Variants in GALNT17 observed in about 807,000 individuals in gnomAD.
GALNT17 encodes the protein polypeptide N-acetylgalactosaminyltransferase 17, also known as UDP-GalNAc:polypeptide N-acetylgalactosaminyltransferase-like 3.
Under a neutral mutation model 63.7 loss-of-function variants are expected in GALNT17, and 29 were observed. That is an observed-to-expected ratio of 0.46 (90% CI 0.34 to 0.62). The LOEUF (loss-of-function observed/expected upper bound fraction) is 0.62. GALNT17 is among the 20% of genes least tolerant of loss of function. The probability of loss-of-function intolerance (pLI) is 0.01; values close to 1 mark genes in which losing one functional copy is unlikely to be tolerated. For synonymous variants in GALNT17, 305 were observed against 318.3 expected, an observed-to-expected ratio of 0.96 and a Z score of 0.45; for missense variants, 603 against 799.6, an observed-to-expected ratio of 0.75 and a Z score of 2.97.
At chr7:71,497,080 A>AGAAAATGATCTGAAAGTTAG (rs1272407706) in intron 5 of GALNT17, among the ~76,000 whole-genome samples, 1 of 152,158 alleles carries the variant, frequency 6.6e-6, no homozygotes. Flanking sequence ...CTCTAAAAGA[A>AGAAAATGATCTGAAAGTTAG]GAAAATGATC....
At chr7:71,607,429 T>C (rs1189912340) in intron 6 of GALNT17, among the ~76,000 whole-genome samples, 1 of 152,200 alleles carries the variant, frequency 6.6e-6, no homozygotes, top group African/African-American at 2.4e-5. Flanking sequence ...TAATTATTTC[T>C]TACTTGAAAC....
At chr7:71,592,029 C>G (rs558506090) in intron 6 of GALNT17, among the ~76,000 whole-genome samples, 1 of 152,328 alleles carries the variant, frequency 6.6e-6, no homozygotes, top group African/African-American at 2.4e-5. Flanking sequence ...AGCTGTCCGT[C>G]TGTCAGTTGC....
intron 5 of GALNT17, among the ~76,000 whole-genome samples, chr7:71,474,617 A>G (rs755802372): frequency 1.3e-5 from 2 of 152,210 alleles, no homozygotes; most frequent in Non-Finnish European, 2.9e-5. Context: ...GTCCAGTTCA[A>G]ATGAGAATTT....
chr7:71,588,595 A>G (rs1789753473), intron 6 of GALNT17, among the ~76,000 whole-genome samples: 1 of 152,178 alleles, frequency 6.6e-6, no homozygotes, highest in Non-Finnish European at 1.5e-5. Context: ...TTCTTTAGGT[A>G]TTGCTGTGTA....
At chr7:71,142,795 G>C (rs979385256) in intron 1 of GALNT17, among the ~76,000 whole-genome samples, 16 of 152,066 alleles carry the variant, frequency 1.1e-4, no homozygotes, top group African/African-American at 3.6e-4. Context: ...ACAAAAATTA[G>C]CTGGGCTTGG....
chr7:71,228,334 C>G (rs556658500), intron 1 of GALNT17, among the ~76,000 whole-genome samples: 2 of 152,168 alleles, frequency 1.3e-5, no homozygotes, highest in East Asian at 1.9e-4. Context: ...TGGAATCAAC[C>G]GTCCACCTCC....
At chr7:71,555,261 A>G (rs1376541506) in intron 5 of GALNT17, among the ~76,000 whole-genome samples, 2 of 150,922 alleles carry the variant, frequency 1.3e-5, no homozygotes, top group Non-Finnish European at 2.9e-5. Context: ...TCCAAATTAT[A>G]TCAGTCTTTT....
At chr7:71,412,238 G>A (rs1379295586) in intron 3 of GALNT17, among the ~76,000 whole-genome samples, 1 of 152,166 alleles carries the variant, frequency 6.6e-6, no homozygotes, top group African/African-American at 2.4e-5. Context: ...CCGGGAGGTC[G>A]AGGCTGCAGT....
At chr7:71,254,038 C>T (rs1790246941) in intron 1 of GALNT17, among the ~76,000 whole-genome samples, 2 of 152,120 alleles carry the variant, frequency 1.3e-5, no homozygotes, top group Non-Finnish European at 2.9e-5. Flanking sequence ...TTATATGTTT[C>T]AGGGAGACAT....
At chr7:71,678,726 T>C (rs1584131191) in intron 9 of GALNT17, among the ~76,000 whole-genome samples, 1 of 149,724 alleles carries the variant, frequency 6.7e-6, no homozygotes, top group African/African-American at 2.5e-5. Flanking sequence ...ACCCAGGAGG[T>C]GGAGCTTGCA....
At chr7:71,455,677 T>TA (rs961758070) in intron 5 of GALNT17, among the ~76,000 whole-genome samples, 1 of 152,182 alleles carries the variant, frequency 6.6e-6, no homozygotes, top group Non-Finnish European at 1.5e-5. Flanking sequence ...CTCATGCTCA[T>TA]AGTCCACACT....
intron 5 of GALNT17, among the ~76,000 whole-genome samples, chr7:71,546,666 A>T (rs1226531243): frequency 1.3e-5 from 2 of 152,228 alleles, no homozygotes; most frequent in Non-Finnish European, 2.9e-5. Context: ...TCAAAAGCAG[A>T]TACTCTTACT....
intron 5 of GALNT17, among the ~76,000 whole-genome samples, chr7:71,521,561 G>T (rs1788531289): frequency 6.6e-6 from 1 of 152,224 alleles, no homozygotes; most frequent in African/African-American, 2.4e-5. Flanking sequence ...CTGTGGGTAA[G>T]GACTGCAGTG....
intron 5 of GALNT17, among the ~76,000 whole-genome samples, chr7:71,434,609 C>T (rs1295182864): frequency 1.3e-5 from 2 of 152,150 alleles, no homozygotes; most frequent in Admixed American, 1.3e-4. Flanking sequence ...AGAGAAATGG[C>T]CTGTTCACTT....
At chr7:71,631,434 C>T (rs979367341) in intron 6 of GALNT17, among the ~76,000 whole-genome samples, 4 of 152,140 alleles carry the variant, frequency 2.6e-5, no homozygotes, top group Non-Finnish European at 5.9e-5. Context: ...CAGCTATCAT[C>T]CCTTATTGGC....
intron 6 of GALNT17, among the ~76,000 whole-genome samples, chr7:71,578,004 CATTTATTTATTT>C (rs60916222): frequency 0.023 from 3,237 of 143,274 alleles, 131 homozygotes; most frequent in African/African-American, 0.075. Context: ...GGGTTGTTTA[CATTTATTTATTT>C]ATTTATTTAT....
intron 1 of GALNT17, among the ~76,000 whole-genome samples, chr7:71,247,401 A>T (rs1424074049): frequency 6.6e-6 from 1 of 152,142 alleles, no homozygotes; most frequent in Admixed American, 6.5e-5. Context: ...CCTCCTTGGC[A>T]GTTGAAAGTC....
chr7:71,669,282 G>A (rs373190721), intron 7 of GALNT17, among the ~76,000 whole-genome samples: 4 of 152,040 alleles, frequency 2.6e-5, no homozygotes, highest in East Asian at 1.9e-4. Context: ...CTGGGAGGCC[G>A]AGGCTGGCTG....
intron 5 of GALNT17, among the ~76,000 whole-genome samples, chr7:71,433,586 G>A (rs887016166): frequency 6.6e-6 from 1 of 152,166 alleles, no homozygotes; most frequent in African/African-American, 2.4e-5. Context: ...GACAGATTGA[G>A]TATCAATTAT....
Sources: allele counts gnomAD v4.1 joint callset (sites outside exome capture counted in the v4.1 genomes callset), GRCh38; gene constraint gnomAD v4.1.1; transcripts MANE v1.5; gene names NCBI Gene and HGNC (gene_info 2026-07-23, HGNC 2026-07-21).